The following SLC22A14 variants were observed in gnomAD, a reference collection of about 807,000 sequenced individuals.
SLC22A14 encodes the protein solute carrier family 22 member 14.
SLC22A14 carries 50 observed loss-of-function variants against 53.9 expected under a neutral mutation model. That is an observed-to-expected ratio of 0.93 (90% CI 0.74 to 1.17). SLC22A14 has a LOEUF of 1.17. Ranked by LOEUF, SLC22A14 falls within the 50% of genes most tolerant of loss-of-function variation. SLC22A14 has a pLI of 0.00. For synonymous variants in SLC22A14, 312 were observed against 303.0 expected, an observed-to-expected ratio of 1.03 and a Z score of -0.31; for missense variants, 671 against 734.7, an observed-to-expected ratio of 0.91 and a Z score of 1.00.
At chr3:38,311,513 C>T (rs1356011525) in intron 5 of SLC22A14, among the ~76,000 whole-genome samples, 1 of 152,216 alleles carries the variant, frequency 6.6e-6, no homozygotes, top group African/African-American at 2.4e-5. Flanking sequence ...TCTTTAAGTT[C>T]TGCTTCCCTT....
At chr3:38,305,360 C>T (rs1206627853) in intron 1 of SLC22A14, 2 of 152,322 alleles carry the variant, frequency 1.3e-5, no homozygotes, top group African/African-American at 4.8e-5. Context: ...CTGCTCTGAG[C>T]CAAGGGGTGC....
chr3:38,315,166 C>T (rs1262205086), intron 8 of SLC22A14, among the ~76,000 whole-genome samples: 1 of 152,254 alleles, frequency 6.6e-6, no homozygotes, highest in Non-Finnish European at 1.5e-5. Flanking sequence ...TGCAGAGCCC[C>T]GGTGGTACAG....
At chr3:38,313,170 G>A (rs1559554011) in intron 6 of SLC22A14, 51 bp downstream of exon 6, 3 of 1,599,542 alleles carry the variant, frequency 1.9e-6, no homozygotes, top group South Asian at 1.1e-5. Context: ...CTGTGGAAGG[G>A]CCCCTTCCCT....
chr3:38,317,646 A>G (rs1261976261), intron 10 of SLC22A14, among the ~76,000 whole-genome samples: 1 of 152,168 alleles, frequency 6.6e-6, no homozygotes, highest in African/African-American at 2.4e-5. Flanking sequence ...GTTACCTCAT[A>G]CCTCTGAGAC....
Position 38,306,343 on chromosome 3 carries a change from T to G in SLC22A14, c.317T>G (p.Val106Gly), listed in dbSNP as rs745415733. Residue 106 changes from valine (V) to glycine (G), a missense_variant, in exon 2 of 11, where the codon GTG (valine) becomes GGG (glycine). Coordinates refer to ENST00000448498, the MANE Select transcript of SLC22A14 (RefSeq NM_001320033.2). ...PYCNTSWILA[V>G]GPHLSKAEQL... ...TGCAATACCAGCTGGATCCTGGCAG[T>G]GGGCCCCCACCTGTCCAAAGCTGAG... 2 of 1,614,052 alleles carry G rather than the reference T, an allele frequency of 1.2e-6. No individual in the cohort carries two copies. Among genetic ancestry groups the G allele is most frequent in the African/African-American group, 1.3e-5 (1 of 74,916 alleles).
At chr3:38,283,299 A>T (rs1559541167) in intron 1 of SLC22A14, among the ~76,000 whole-genome samples, 1 of 152,086 alleles carries the variant, frequency 6.6e-6, no homozygotes, top group African/African-American at 2.4e-5. Context: ...GTAAGGAAAC[A>T]TATTTACGAG....
At chr3:38,295,177 C>A (rs528269192) in intron 1 of SLC22A14, among the ~76,000 whole-genome samples, 16 of 152,270 alleles carry the variant, frequency 1.1e-4, no homozygotes, top group African/African-American at 3.8e-4. Context: ...CTTGTCAGAT[C>A]TTTGTACGGT....
Position 38,308,804 on chromosome 3 carries a change from G to A in SLC22A14, c.776-150G>A, listed in dbSNP as rs1011135554. The A allele has an allele frequency of 1.1e-4, 78 of 725,606 alleles. No individual in the cohort carries two copies. The African/African-American group carries it at 1.1e-3, about 10-fold the overall frequency. The allele number at this position is 725,606 out of a possible 1,614,324, so 44.9% of individuals were successfully genotyped here. A position where few individuals can be genotyped will look rare whatever the true frequency, so the allele number is the denominator to read the frequency against. On this transcript the variant is annotated intron_variant, in intron 4 of 10. Coordinates refer to ENST00000448498, the MANE Select transcript of SLC22A14 (RefSeq NM_001320033.2). ...GCACTCTACCGGGCTCTGAGGGGCT[G>A]TCTCTGGACCCAGTGCAGAGACGAG...
intron 1 of SLC22A14, among the ~76,000 whole-genome samples, chr3:38,296,093 G>A (rs1704030755): frequency 6.6e-6 from 1 of 152,240 alleles, no homozygotes; most frequent in Non-Finnish European, 1.5e-5. Flanking sequence ...AGATTCAGAG[G>A]TAAGGAGAAT....
At chr3:38,283,596 G>A (rs748356628) in intron 1 of SLC22A14, among the ~76,000 whole-genome samples, 4 of 152,318 alleles carry the variant, frequency 2.6e-5, no homozygotes, top group East Asian at 1.9e-4. Context: ...TTGGGAGGCC[G>A]AGGCGGGAAG....
At chr3:38,279,198 A>G (rs1262267772), upstream of SLC22A14, among the ~76,000 whole-genome samples, 1 of 152,216 alleles carries the variant, frequency 6.6e-6, no homozygotes, top group Non-Finnish European at 1.5e-5. Flanking sequence ...AGTGCTAGAC[A>G]AAAGCTCTAT....
At chr3:38,289,411 G>T (rs1010229540) in intron 1 of SLC22A14, among the ~76,000 whole-genome samples, 1 of 152,114 alleles carries the variant, frequency 6.6e-6, no homozygotes, top group East Asian at 1.9e-4. Context: ...GTGATTCGTT[G>T]TCATGTTGTT....
intron 1 of SLC22A14, among the ~76,000 whole-genome samples, chr3:38,288,062 A>G (rs1303261873): frequency 1.3e-5 from 2 of 152,208 alleles, no homozygotes; most frequent in African/African-American, 4.8e-5. Context: ...CATTTTCCCA[A>G]GCTGAAATTC....
At chr3:38,292,779 G>A (rs1350803521) in intron 1 of SLC22A14, among the ~76,000 whole-genome samples, 1 of 152,066 alleles carries the variant, frequency 6.6e-6, no homozygotes, top group African/African-American at 2.4e-5. Flanking sequence ...CCTATGTTCG[G>A]GTGTGTAATG....
Position 38,306,296 on chromosome 3 carries a change from G to T in SLC22A14, c.270G>T (p.Val90=). The change falls in exon 2 of 11, where the codon GTG becomes GTT. Residue 90 remains valine (V), a synonymous_variant. Coordinates refer to ENST00000448498, the MANE Select transcript of SLC22A14 (RefSeq NM_001320033.2). ...SAFFMFADHF[V]FTAQKPYCNT... The stretch of plus-strand genomic sequence containing the variant: ...TCTTCATGTTTGCTGACCACTTCGT[G>T]TTCACAGCCCAGAAGCCCTATTGCA... 1 of 1,614,178 alleles carries T rather than the reference G, an allele frequency of 6.2e-7. No homozygotes were observed. Among genetic ancestry groups the T allele is most frequent in the Non-Finnish European group, 8.5e-7 (1 of 1,180,040 alleles).
At chr3:38,303,477 T>C (rs562788337) in intron 1 of SLC22A14, among the ~76,000 whole-genome samples, 1 of 151,334 alleles carries the variant, frequency 6.6e-6, no homozygotes, top group Admixed American at 6.6e-5. Context: ...CACCATGATT[T>C]CTTCTTTAAC....
chr3:38,295,695 C>A (rs1281898386), intron 1 of SLC22A14, among the ~76,000 whole-genome samples: 1 of 151,984 alleles, frequency 6.6e-6, no homozygotes, highest in Admixed American at 6.6e-5. Context: ...CTTTCTTTCT[C>A]TCTTTGACTC....
At chr3:38,297,362 T>G (rs1704063970) in intron 1 of SLC22A14, among the ~76,000 whole-genome samples, 1 of 152,216 alleles carries the variant, frequency 6.6e-6, no homozygotes. Flanking sequence ...GGAAAGTTCC[T>G]CAGCCTTTTT....
intron 1 of SLC22A14, among the ~76,000 whole-genome samples, chr3:38,299,776 G>A (rs1704120092): frequency 6.6e-6 from 1 of 152,084 alleles, no homozygotes; most frequent in Non-Finnish European, 1.5e-5. Flanking sequence ...TGGCCAGGCT[G>A]GTGTTGAATT....
Sources: gnomAD v4.1 joint callset for allele counts (sites outside exome capture counted in the v4.1 genomes callset) on GRCh38, gnomAD v4.1.1 for gene constraint, MANE v1.5 for transcripts, NCBI Gene and HGNC (gene_info 2026-07-23, HGNC 2026-07-21) for gene names.